CYP20A1: variants seen among roughly 807,000 people sequenced by gnomAD.
CYP20A1 encodes the protein cytochrome P450 family 20 subfamily A member 1, also known as cytochrome P450 20A1.
Under a neutral mutation model 61.4 loss-of-function variants are expected in CYP20A1, and 61 were observed. The observed-to-expected ratio is 0.99, with a 90% CI of 0.81 to 1.23. The LOEUF (loss-of-function observed/expected upper bound fraction) is 1.23, where lower values mean the gene tolerates loss of function less well. CYP20A1 is among the 50% of genes most tolerant of loss of function. CYP20A1 has a pLI of 0.00. For synonymous variants in CYP20A1, 193 were observed against 188.2 expected (o/e 1.03, Z -0.21); for missense variants, 530 against 542.4 (o/e 0.98, Z 0.23).
At chr2:203,289,580 T>G (rs989692908) in intron 9 of CYP20A1, among the ~76,000 whole-genome samples, 185 bp from the exon 10 acceptor site, 1 of 151,886 alleles carries the variant, frequency 6.6e-6, no homozygotes, top group Non-Finnish European at 1.5e-5. Flanking sequence ...ATTTTAAAAT[T>G]TATAAAATTG....
chr2:203,265,420 T>C (rs1228899973), intron 4 of CYP20A1, among the ~76,000 whole-genome samples: 4 of 152,228 alleles, frequency 2.6e-5, no homozygotes, highest in African/African-American at 7.2e-5. Flanking sequence ...TACTCAACAA[T>C]GCCAGGGTCT....
At chr2:203,285,484 T>C in intron 8 of CYP20A1, 128 bp from the exon 9 acceptor site, 9 of 1,017,564 alleles carry the variant, frequency 8.8e-6, no homozygotes, top group Non-Finnish European at 1.2e-5. Flanking sequence ...CACTTATATA[T>C]CTTCTATATC....
At chr2:203,246,003 A>G in intron 2 of CYP20A1, 108 bp downstream of exon 2, 2 of 725,364 alleles carry the variant, frequency 2.8e-6, no homozygotes, top group Non-Finnish European at 4.5e-6. Flanking sequence ...GCTACTGAGG[A>G]GGTTGAGGTG....
At chr2:203,277,510 T>TTATTTATTTAGAGATAAATAAAA (rs1473338382) in intron 6 of CYP20A1, among the ~76,000 whole-genome samples, 1 of 151,852 alleles carries the variant, frequency 6.6e-6, no homozygotes, top group African/African-American at 2.4e-5. Context: ...TTTTATATAT[T>TTATTTATTTAGAGATAAATAAAA]TATTTATTTA....
intron 5 of CYP20A1, among the ~76,000 whole-genome samples, chr2:203,267,393 G>A (rs565436945): frequency 4.6e-5 from 7 of 152,064 alleles, no homozygotes; most frequent in African/African-American, 1.7e-4. Context: ...AACTAGCCAG[G>A]CATGGTGGCT....
chr2:203,281,800 C>CA (rs923698060), intron 8 of CYP20A1, among the ~76,000 whole-genome samples: 49 of 145,020 alleles, frequency 3.4e-4, no homozygotes, highest in African/African-American at 8.6e-4. Flanking sequence ...CACTCTGTCT[C>CA]AAAAAAAAAC....
In CYP20A1 at chr2:203,299,291, A is replaced by C. The variant is rs2068930558; in HGVS notation, c.*2383A>C. On this transcript the variant is annotated 3_prime_UTR_variant, in exon 13 of 13. Coordinates refer to ENST00000356079, the MANE Select transcript of CYP20A1 (RefSeq NM_177538.3). ...TTTAACACTGCTGAATTTCATTTGT[A>C]ATTTTACTTTCAAGAATATACTCTG... Among the ~76,000 whole-genome samples the C allele has an allele frequency of 6.6e-6, 1 of 152,064 alleles. No individual in the cohort carries two copies. The highest frequency in any genetic ancestry group is 1.5e-5 in the Non-Finnish European group (1 of 68,006).
intron 5 of CYP20A1, among the ~76,000 whole-genome samples, chr2:203,272,203 T>C (rs2067630100): frequency 6.6e-6 from 1 of 152,134 alleles, no homozygotes. Flanking sequence ...GAGTAAAGGA[T>C]TGTGCAGCCA....
rs2068234823 is a variant in CYP20A1 at position 203,285,660 on chromosome 2, A to G, written c.899A>G (p.Lys300Arg). The G allele has an allele frequency of 1.2e-6, 2 of 1,606,632 alleles. No individual in the cohort carries two copies. The highest frequency in any genetic ancestry group is 1.7e-6 in the Non-Finnish European group (2 of 1,178,444). ...TTAACCACCTCTGAAGAAGTTCAAA[A>G]AAAATTATATGAAGAGATAAACCAA... ...CFLTTSEEVQ[K>R]KLYEEINQVF... Residue 300 changes from lysine (K) to arginine (R), a missense_variant, in exon 9 of 13, where the codon AAA becomes AGA. Transcript: ENST00000356079.
intron 3 of CYP20A1, among the ~76,000 whole-genome samples, chr2:203,251,577 C>A (rs796895883): frequency 5.3e-5 from 8 of 150,876 alleles, no homozygotes; most frequent in African/African-American, 1.9e-4. Context: ...CGAGACCAGC[C>A]TGGCCAACAT....
intron 4 of CYP20A1, 127 bp from the exon 5 acceptor site, chr2:203,266,387 T>A (rs1401067411): frequency 1.3e-6 from 1 of 763,588 alleles, no homozygotes; most frequent in African/African-American, 1.7e-5. Context: ...TCTGACAGAT[T>A]CGTACCTGAA....
intron 5 of CYP20A1, among the ~76,000 whole-genome samples, chr2:203,267,309 G>C (rs189409550): frequency 1.3e-5 from 2 of 151,802 alleles, no homozygotes; most frequent in East Asian, 3.9e-4. Context: ...GAGGCAGGCA[G>C]ATCACTTGAG....
At chr2:203,283,693 C>CAT (rs1559104236) in intron 8 of CYP20A1, among the ~76,000 whole-genome samples, 4 of 151,392 alleles carry the variant, frequency 2.6e-5, no homozygotes, top group African/African-American at 9.7e-5. Flanking sequence ...GGACTAGAGG[C>CAT]GCGTGCCACC....
chr2:203,269,875 C>T (rs146515334), intron 5 of CYP20A1, among the ~76,000 whole-genome samples: 5,702 of 152,064 alleles, frequency 0.037, 346 homozygotes, highest in African/African-American at 0.13. Context: ...GTGATCTGCC[C>T]ACCTCAGCCT....
rs1559111411 is a variant in CYP20A1, at chr2:203,296,792, G to A, written c.1273G>A (p.Val425Ile). The stretch of plus-strand genomic sequence containing the variant: ...TATGGTGACCACAGTACTTCTTAGT[G>A]TATTGGTGAAGAGACTGCACCTACT... ...AYMVTTVLLS[V>I]LVKRLHLLSV... Residue 425 changes from valine to isoleucine, a missense_variant, in exon 13 of 13, where the codon GTA becomes ATA. By Grantham distance (29) the Val-to-Ile change is conservative. Transcript: ENST00000356079. 2 of 1,605,490 alleles carry A rather than the reference G, an allele frequency of 1.2e-6. No homozygotes were observed. The highest frequency in any genetic ancestry group is 1.7e-5 in the Admixed American group (1 of 57,814).
In CYP20A1 at chr2:203,304,935, T is replaced by C. The variant is rs760610350; in HGVS notation, c.*8027T>C. ...TAGGTGACAAAGCACAACCCTCAAA[T>C]AAATAAATAAATACATGTTAAACAT... On this transcript the variant is annotated 3_prime_UTR_variant, in exon 13 of 13. Coordinates refer to ENST00000356079, the MANE Select transcript of CYP20A1 (RefSeq NM_177538.3). Among the ~76,000 whole-genome samples the C allele has an allele frequency of 6.6e-6, 1 of 152,066 alleles. No homozygotes were observed. Among genetic ancestry groups the C allele is most frequent in the South Asian group, 2.1e-4 (1 of 4,824 alleles).
At chr2:203,270,293 T>G (rs1378667590) in intron 5 of CYP20A1, among the ~76,000 whole-genome samples, 4 of 152,162 alleles carry the variant, frequency 2.6e-5, no homozygotes, top group African/African-American at 9.7e-5. Flanking sequence ...ATTTTTATAC[T>G]TTTGTTAAAC....
chr2:203,286,683 G>A (rs2068285124), intron 9 of CYP20A1, among the ~76,000 whole-genome samples: 1 of 152,050 alleles, frequency 6.6e-6, no homozygotes, highest in African/African-American at 2.4e-5. Flanking sequence ...CTAGGAATGG[G>A]GATCAACTAC....
chr2:203,285,640 C>T lies in CYP20A1; in HGVS notation c.879C>T (p.Thr293=). 7 of 1,593,544 alleles carry T rather than the reference C, an allele frequency of 4.4e-6. No homozygotes were observed. Among genetic ancestry groups the T allele is most frequent in the Non-Finnish European group, 6.0e-6 (7 of 1,174,850 alleles). Residue 293 remains threonine, a synonymous_variant, in exon 9 of 13, where the codon ACC becomes ACT. Transcript: ENST00000356079. ...GTACCTGGGCAATCTGTTTTTTAAC[C>T]ACCTCTGAAGAAGTTCAAAAAAAAT... ...KLCTWAICFL[T]TSEEVQKKLY...
Sources: allele counts gnomAD v4.1 joint callset (sites outside exome capture counted in the v4.1 genomes callset), GRCh38; gene constraint gnomAD v4.1.1; transcripts MANE v1.5; gene names NCBI Gene and HGNC (gene_info 2026-07-23, HGNC 2026-07-21).